The following NOL4L variants were observed in gnomAD, a reference collection of about 807,000 sequenced individuals.
NOL4L encodes nucleolar protein 4-like.
Under a neutral mutation model 64.5 loss-of-function variants are expected in NOL4L, and 7 were observed. That is an observed-to-expected ratio of 0.11 (90% CI 0.06 to 0.20). The LOEUF (loss-of-function observed/expected upper bound fraction) is 0.20. Ranked by LOEUF, NOL4L falls within the 10% of genes least tolerant of loss-of-function variation. NOL4L has a pLI of 1.00. For synonymous variants in NOL4L, 413 were observed against 401.0 expected, an observed-to-expected ratio of 1.03 and a Z score of -0.36; for missense variants, 680 against 967.1, an observed-to-expected ratio of 0.70 and a Z score of 3.94.
At chr20:32,558,251 A>C (rs1177187731) in intron 1 of NOL4L, among the ~76,000 whole-genome samples, 2 of 152,206 alleles carry the variant, frequency 1.3e-5, no homozygotes, top group Admixed American at 6.5e-5. Flanking sequence ...AGCTTGGCTA[A>C]AAGTGGGAGC....
chr20:32,455,552 C>T (rs1600642484), intron 6 of NOL4L, among the ~76,000 whole-genome samples: 1 of 152,308 alleles, frequency 6.6e-6, no homozygotes, highest in Admixed American at 6.5e-5. Context: ...CCTTAGTGGC[C>T]CGGAGGCAGC....
At chr20:32,488,856 T>C (rs531673503) in intron 4 of NOL4L, among the ~76,000 whole-genome samples, 20 of 101,688 alleles carry the variant, frequency 2.0e-4, no homozygotes, top group African/African-American at 9.7e-4. Flanking sequence ...TCTTTCTTTC[T>C]TTCTTTCTTT....
chr20:32,465,940 C>CA (rs2014508188), intron 5 of NOL4L, among the ~76,000 whole-genome samples: 1 of 151,104 alleles, frequency 6.6e-6, no homozygotes. Context: ...CACTGATCCC[C>CA]ACGTGGCCCC....
At position 32,535,654 on chromosome 20, in the gene NOL4L, A is replaced by G. The variant is rs2018496763; in HGVS notation, c.322-7741T>C. Reference sequence around the variant, plus strand: ...AAAGGTGCCTGGGACCAGCCCCTCAAACAACGGCGCTACATTTGAGGATGT... The same window carrying G: ...AAAGGTGCCTGGGACCAGCCCCTCAGACAACGGCGCTACATTTGAGGATGT... On this transcript the variant is annotated intron_variant, in intron 1 of 10. Coordinates refer to ENST00000621426, the MANE Select transcript of NOL4L (RefSeq NM_001256798.2). 4.1e-6 allele frequency: 4 copies of G among 985,144 alleles called. No individual in the cohort carries two copies. The Admixed American group carries it at 2.5e-4, about 61-fold the overall frequency. 61.0% of individuals were successfully genotyped at this position (985,144 alleles called of 1,614,324 possible).
At chr20:32,559,381 G>A (rs545852996) in intron 1 of NOL4L, among the ~76,000 whole-genome samples, 2 of 152,310 alleles carry the variant, frequency 1.3e-5, no homozygotes, top group African/African-American at 2.4e-5. Context: ...TAGGTACTCA[G>A]CAGATATTTC....
At chr20:32,512,189 C>G (rs2017437856) in intron 3 of NOL4L, among the ~76,000 whole-genome samples, 1 of 152,186 alleles carries the variant, frequency 6.6e-6, no homozygotes, top group African/African-American at 2.4e-5. Flanking sequence ...GTGTGGCTCC[C>G]ATTTTGCCAC....
At chr20:32,530,187 T>C (rs763441344) in intron 1 of NOL4L, among the ~76,000 whole-genome samples, 1 of 152,244 alleles carries the variant, frequency 6.6e-6, no homozygotes, top group Non-Finnish European at 1.5e-5. Flanking sequence ...ACAGTTATAA[T>C]ACACTTCTAA....
chr20:32,463,752 G>A lies in NOL4L; in HGVS notation c.842-7357C>T, dbSNP rs902362234. The stretch of plus-strand genomic sequence containing the variant: ...TGTGGGCGCCAGTGCCCCGCAGCCC[G>A]CACAAGCCCAGCTCTGTGCGAACCA... On this transcript the variant is annotated intron_variant, in intron 5 of 10. Transcript: ENST00000621426. The surrounding 1 kb of genome is among the most constrained non-coding windows in gnomAD (Gnocchi z 5.8). 2.6e-5 allele frequency among the ~76,000 whole-genome samples: 4 copies of A among 152,130 alleles called. No individual in the cohort carries two copies. Among genetic ancestry groups the A allele is most frequent in the African/African-American group, 7.2e-5 (3 of 41,420 alleles).
chr20:32,540,892 G>A lies in NOL4L; in HGVS notation c.322-12979C>T, dbSNP rs370139456. On this transcript the variant is annotated intron_variant, in intron 1 of 10. Coordinates refer to ENST00000621426, the MANE Select transcript of NOL4L (RefSeq NM_001256798.2). ...CAAGTCCCCAGCAGCTGGGGTCATC[G>A]CCCCCATTCCTCAGATGAGGAAACC... Among the ~76,000 whole-genome samples the A allele has an allele frequency of 9.2e-5, 14 of 151,676 alleles. No individual in the cohort carries two copies. The East Asian group carries it at 9.7e-4, about 11-fold the overall frequency.
rs573233854 is a variant in NOL4L, at chr20:32,446,727, G to A, written c.*869C>T. 6.5e-6 allele frequency: 1 copy of A among 154,572 alleles called. No homozygotes were observed. Among genetic ancestry groups the A allele is most frequent in the South Asian group, 1.9e-4 (1 of 5,312 alleles). 9.6% of individuals were successfully genotyped at this position (154,572 alleles called of 1,614,324 possible). A position where few individuals can be genotyped will look rare whatever the true frequency, so the allele number is the denominator to read the frequency against. On this transcript the variant is annotated 3_prime_UTR_variant, in exon 11 of 11. Transcript: ENST00000621426. ...TACCTCCCAGGCAGACACATTGTGT[G>A]GGGGAGTTGGGGTTACAGCTGTTCA... is the stretch of plus-strand genomic sequence containing the variant.
intron 4 of NOL4L, among the ~76,000 whole-genome samples, chr20:32,504,249 T>TA (rs1360645761): frequency 2.6e-5 from 4 of 152,188 alleles, no homozygotes; most frequent in Non-Finnish European, 5.9e-5. Flanking sequence ...CCATGGAGAT[T>TA]ACTCTTTAAC....
At chr20:32,552,900 A>C (rs1186339205) in intron 1 of NOL4L, among the ~76,000 whole-genome samples, 2 of 152,168 alleles carry the variant, frequency 1.3e-5, no homozygotes, top group Non-Finnish European at 2.9e-5. Flanking sequence ...ACTACTTGGG[A>C]GGCTGAGGCA....
rs2016740957 is a variant in NOL4L, at chr20:32,497,491, C to A, written c.699+13856G>T. On this transcript the variant is annotated intron_variant, in intron 4 of 10. Coordinates refer to ENST00000621426, the MANE Select transcript of NOL4L (RefSeq NM_001256798.2). Reference sequence around the variant, plus strand: ...ATTCAAAATAAAAAGCAAGGAAAACCAGGGACGGCTGCAGAAAAGCACCCT... The same window carrying A: ...ATTCAAAATAAAAAGCAAGGAAAACAAGGGACGGCTGCAGAAAAGCACCCT... Among the ~76,000 whole-genome samples the A allele has an allele frequency of 2.6e-5, 4 of 152,300 alleles. No homozygotes were observed. In the South Asian group the frequency reaches 8.3e-4, roughly 32 times the overall value.
In NOL4L at chr20:32,488,965, C is replaced by CTTTT. The variant is rs1174304651; in HGVS notation, c.700-14227_700-14224dup. 1.3e-4 allele frequency among the ~76,000 whole-genome samples: 6 copies of CTTTT among 45,084 alleles called. 1 individual carries two copies. The highest frequency in any genetic ancestry group is 6.6e-4 in the African/African-American group (5 of 7,578). The allele number at this position is 45,084 out of a possible 152,430, so 29.6% of individuals were successfully genotyped here. ...CCATTTCTCTATTTGAATTGTTGGT[C>CTTTT]TTTTTTTTTTTTTTTTTTTGGTAAG... On this transcript the variant is annotated intron_variant, in intron 4 of 10. Coordinates refer to ENST00000621426, the MANE Select transcript of NOL4L (RefSeq NM_001256798.2).
chr20:32,490,144 A>AAAAAAAAAAC lies in NOL4L; in HGVS notation c.700-15403_700-15402insGTTTTTTTTT, dbSNP rs543768294. ...ACTCCATCTCAAAAAAAAAAAAAAA[A>AAAAAAAAAAC]ATATATATACACATATATATATGTA... On this transcript the variant is annotated intron_variant, in intron 4 of 10. Transcript: ENST00000621426. Among the ~76,000 whole-genome samples the AAAAAAAAAAC allele has an allele frequency of 9.4e-4, 115 of 122,160 alleles. 11 individuals carry two copies. The highest frequency in any genetic ancestry group is 2.1e-3 in the East Asian group (7 of 3,396). 80.1% of individuals were successfully genotyped at this position (122,160 alleles called of 152,430 possible).
At chr20:32,531,366 C>A (rs992361709) in intron 1 of NOL4L, among the ~76,000 whole-genome samples, 30 of 147,238 alleles carry the variant, frequency 2.0e-4, no homozygotes, top group African/African-American at 7.3e-4. Flanking sequence ...TATTTCTATA[C>A]CTTTTTTTTT....
At chr20:32,494,841 G>A (rs916247848) in intron 4 of NOL4L, among the ~76,000 whole-genome samples, 7 of 152,142 alleles carry the variant, frequency 4.6e-5, no homozygotes, top group Admixed American at 6.5e-5. Context: ...CACCAGCGGC[G>A]GCTCCTCCAT....
At chr20:32,524,842 C>CA (rs1568686413) in intron 2 of NOL4L, among the ~76,000 whole-genome samples, 1 of 151,952 alleles carries the variant, frequency 6.6e-6, no homozygotes, top group Non-Finnish European at 1.5e-5. Flanking sequence ...CCCCTGCCCC[C>CA]AAAAAAGGAA....
At chr20:32,494,010 T>C (rs1234300283) in intron 4 of NOL4L, among the ~76,000 whole-genome samples, 9 of 152,164 alleles carry the variant, frequency 5.9e-5, no homozygotes, top group African/African-American at 1.9e-4. Context: ...CCCAGCACTT[T>C]GGGAGGCCAA....
Sources: allele counts gnomAD v4.1 joint callset (sites outside exome capture counted in the v4.1 genomes callset), GRCh38; gene constraint gnomAD v4.1.1; non-coding constraint Gnocchi (gnomAD v3.1); transcripts MANE v1.5; gene names NCBI Gene and HGNC (gene_info 2026-07-23, HGNC 2026-07-21).